Variants in RAVER2 observed in about 807,000 individuals in gnomAD.
RAVER2 encodes the protein ribonucleoprotein PTB-binding 2.
A neutral mutation model predicts 78.1 loss-of-function variants in RAVER2; 46 were observed. That is an observed-to-expected ratio of 0.59 (90% CI 0.46 to 0.75). RAVER2 has a LOEUF of 0.75. Among genes scored for constraint, RAVER2 ranks in the 30% least tolerant of loss-of-function variants. The probability of loss-of-function intolerance (pLI) is 0.00; values close to 1 mark genes in which losing one functional copy is unlikely to be tolerated. For synonymous variants in RAVER2, 311 were observed against 313.3 expected (o/e 0.99, Z 0.08); for missense variants, 793 against 837.5 (o/e 0.95, Z 0.66).
intron 1 of RAVER2, among the ~76,000 whole-genome samples, chr1:64,759,599 C>T (rs759601060): frequency 3.3e-5 from 5 of 151,172 alleles, no homozygotes; most frequent in Non-Finnish European, 5.9e-5. Context: ...TCACTGCAAG[C>T]TTTGCCTCCC....
chr1:64,776,411 G>A (rs1004161703), intron 2 of RAVER2, among the ~76,000 whole-genome samples: 1 of 152,198 alleles, frequency 6.6e-6, no homozygotes, highest in Non-Finnish European at 1.5e-5. Flanking sequence ...TTAAATGTTA[G>A]CATCACACTT....
intron 5 of RAVER2, among the ~76,000 whole-genome samples, chr1:64,795,233 G>GA (rs1653064730): frequency 6.6e-6 from 1 of 152,050 alleles, no homozygotes; most frequent in Non-Finnish European, 1.5e-5. Flanking sequence ...TATAAATCCT[G>GA]AAATCAGTTA....
At chr1:64,750,392 C>T (rs1375920890) in intron 1 of RAVER2, among the ~76,000 whole-genome samples, 2 of 151,332 alleles carry the variant, frequency 1.3e-5, no homozygotes, top group Admixed American at 1.3e-4. Context: ...TTACTGCAGC[C>T]TTAACTCCTG....
At position 64,789,480 on chromosome 1, in the gene RAVER2, A is replaced by G. The variant is rs116614592; in HGVS notation, c.1071A>G (p.Leu357=). 7.6e-4 allele frequency: 1,227 copies of G among 1,609,218 alleles called. 11 individuals carry two copies. The African/African-American group carries it at 0.015, about 20-fold the overall frequency. The stretch of plus-strand genomic sequence containing the variant: ...ACCCTGCCATGTTGCAAGTTCTTCT[A>G]CAGCCCCAGTTATGTGGACGAGCTG... The change falls in exon 5 of 12, where the codon CTA becomes CTG. Residue 357 remains leucine (L), a synonymous_variant. Coordinates refer to ENST00000294428, the Ensembl canonical transcript of RAVER2.
exon 8 of RAVER2, chr1:64,805,033 A>C: frequency 6.2e-7 from 1 of 1,614,008 alleles, no homozygotes; most frequent in Non-Finnish European, 8.5e-7. Flanking sequence ...GGTACTTCAG[A>C]CTGCACTAGG....
At chr1:64,787,274 T>G (rs776843584) in intron 4 of RAVER2, among the ~76,000 whole-genome samples, 1 of 152,228 alleles carries the variant, frequency 6.6e-6, no homozygotes, top group Non-Finnish European at 1.5e-5. Context: ...TTCTTTTGAA[T>G]GTATGAATAT....
chr1:64,789,924 T>C (rs1196971307), intron 5 of RAVER2, among the ~76,000 whole-genome samples: 1 of 152,218 alleles, frequency 6.6e-6, no homozygotes, highest in Non-Finnish European at 1.5e-5. Context: ...TTCCTCTTTG[T>C]TCTTCCCCTT....
chr1:64,827,350 GAT>G (rs1304936411), intron 11 of RAVER2, among the ~76,000 whole-genome samples: 3 of 152,128 alleles, frequency 2.0e-5, no homozygotes, highest in Admixed American at 6.5e-5. Context: ...GTAGGGTGGG[GAT>G]ATAGTAGGAT....
intron 5 of RAVER2, among the ~76,000 whole-genome samples, chr1:64,800,855 A>T (rs1467397389): frequency 6.6e-6 from 1 of 152,112 alleles, no homozygotes; most frequent in Non-Finnish European, 1.5e-5. Flanking sequence ...TATCTCACTG[A>T]TATCATTCTA....
chr1:64,787,309 T>C (rs1009257516), intron 4 of RAVER2, among the ~76,000 whole-genome samples: 5 of 152,174 alleles, frequency 3.3e-5, no homozygotes, highest in Non-Finnish European at 5.9e-5. Flanking sequence ...GGCTATCACC[T>C]TTCTGTATGT....
At chr1:64,816,232 CTT>C (rs1279292325) in intron 11 of RAVER2, 1 of 152,158 alleles carries the variant, frequency 6.6e-6, no homozygotes, top group Non-Finnish European at 1.5e-5. Context: ...CATGGAAAGA[CTT>C]TCTCATTCAC....
At chr1:64,779,362 A>G (rs1165624923) in intron 3 of RAVER2, among the ~76,000 whole-genome samples, 3 of 151,158 alleles carry the variant, frequency 2.0e-5, no homozygotes, top group African/African-American at 7.3e-5. Context: ...ACATGGGTGA[A>G]ATTTTGCAGT....
At chr1:64,772,485 T>G (rs1034438130) in intron 2 of RAVER2, among the ~76,000 whole-genome samples, 1 of 152,106 alleles carries the variant, frequency 6.6e-6, no homozygotes, top group Non-Finnish European at 1.5e-5. Flanking sequence ...GCTCACAGTT[T>G]AGTAGGGTAG....
At chr1:64,783,180 G>T (rs986040223) in intron 4 of RAVER2, among the ~76,000 whole-genome samples, 2 of 152,026 alleles carry the variant, frequency 1.3e-5, no homozygotes, top group Admixed American at 6.6e-5. Flanking sequence ...GAATAGTGCC[G>T]CAATAAATAT....
At chr1:64,748,468 T>C (rs1651604810) in intron 1 of RAVER2, among the ~76,000 whole-genome samples, 1 of 152,246 alleles carries the variant, frequency 6.6e-6, no homozygotes, top group Admixed American at 6.5e-5. Context: ...AGCCTTTGGC[T>C]GCACGTCCTC....
At chr1:64,790,694 A>G (rs1381183590) in intron 5 of RAVER2, among the ~76,000 whole-genome samples, 1 of 152,262 alleles carries the variant, frequency 6.6e-6, no homozygotes, top group Non-Finnish European at 1.5e-5. Context: ...TTATGGTTTC[A>G]GGCATCCACT....
intron 11 of RAVER2, among the ~76,000 whole-genome samples, chr1:64,825,099 TCAGA>T (rs760473740): frequency 2.4e-4 from 37 of 152,232 alleles, no homozygotes; most frequent in African/African-American, 1.7e-4. Flanking sequence ...TGTATATATA[TCAGA>T]CAGAGACATT....
chr1:64,824,548 T>C (rs752239678), intron 11 of RAVER2, among the ~76,000 whole-genome samples: 3 of 152,198 alleles, frequency 2.0e-5, no homozygotes, highest in Non-Finnish European at 4.4e-5. Context: ...GCACAGGTTA[T>C]CTATATATTA....
intron 11 of RAVER2, among the ~76,000 whole-genome samples, chr1:64,827,372 G>A (rs1425062427): frequency 6.6e-6 from 1 of 152,140 alleles, no homozygotes; most frequent in African/African-American, 2.4e-5. Flanking sequence ...TTGCCCAGGG[G>A]CATGAGGGTG....
Sources: allele counts gnomAD v4.1 joint callset (sites outside exome capture counted in the v4.1 genomes callset), GRCh38; gene constraint gnomAD v4.1.1; transcripts MANE v1.5; gene names NCBI Gene and HGNC (gene_info 2026-07-23, HGNC 2026-07-21).